YAE1: variants seen among roughly 807,000 people sequenced by gnomAD.
YAE1 encodes the protein YAE1 maturation factor of ABCE1.
In YAE1, 22 loss-of-function variants were observed where a neutral mutation model predicts 23.0. That is an observed-to-expected ratio of 0.96 (90% confidence interval 0.68 to 1.37). The LOEUF is 1.37. Among genes scored for constraint, YAE1 ranks in the 40% most tolerant of loss-of-function variants. YAE1 has a pLI of 0.00. For synonymous variants in YAE1, 101 were observed against 97.0 expected (o/e 1.04, Z -0.24); for missense variants, 260 against 262.1 (o/e 0.99, Z 0.06).
At chr7:39,570,948 C>T (rs970588408) in intron 2 of YAE1, 18 of 215,154 alleles carry the variant, frequency 8.4e-5, no homozygotes, top group Non-Finnish European at 9.0e-5. Context: ...CACAGTATGA[C>T]AGACCTCTAG....
chr7:39,569,869 A>C, intron 1 of YAE1: 1 of 1,025,070 alleles, frequency 9.8e-7, no homozygotes, highest in South Asian at 1.3e-5. Context: ...GGATGCCTAA[A>C]TTCACCATCT....
chr7:39,580,426 C>T (rs935315657), intron 2 of YAE1, among the ~76,000 whole-genome samples: 2 of 152,242 alleles, frequency 1.3e-5, no homozygotes, highest in African/African-American at 4.8e-5. Context: ...ATAGTCTGCT[C>T]TTTCCAAAAA....
intron 2 of YAE1, among the ~76,000 whole-genome samples, chr7:39,582,873 T>C (rs1562592275): frequency 1.3e-5 from 2 of 152,222 alleles, no homozygotes; most frequent in Non-Finnish European, 2.9e-5. Flanking sequence ...ATAGAAAGAA[T>C]GAATGGAGAA....
exon 3 of YAE1, chr7:39,610,075 G>A: frequency 2.1e-6 from 3 of 1,421,450 alleles, no homozygotes; most frequent in Non-Finnish European, 1.8e-6. Flanking sequence ...GGTTTCTCCT[G>A]GGTGAAGATG....
chr7:39,582,187 G>T (rs982998263), intron 2 of YAE1, among the ~76,000 whole-genome samples: 1 of 151,934 alleles, frequency 6.6e-6, no homozygotes, highest in African/African-American at 2.4e-5. Context: ...GGCTAATTTT[G>T]TTGTTGTCAT....
chr7:39,603,194 G>A (rs570385548), intron 2 of YAE1, among the ~76,000 whole-genome samples: 1 of 152,234 alleles, frequency 6.6e-6, no homozygotes, highest in African/African-American at 2.4e-5. Flanking sequence ...CTGTCACCCA[G>A]GCTGGAGTGC....
chr7:39,610,865 A>C (rs1482529835), downstream of YAE1, among the ~76,000 whole-genome samples: 1 of 152,194 alleles, frequency 6.6e-6, no homozygotes, highest in African/African-American at 2.4e-5. Context: ...ATTAGGATGC[A>C]GGCTGGGTAT....
At chr7:39,601,334 G>A (rs565421070) in intron 2 of YAE1, among the ~76,000 whole-genome samples, 1 of 152,270 alleles carries the variant, frequency 6.6e-6, no homozygotes, top group African/African-American at 2.4e-5. Context: ...TCAAAATTCT[G>A]TAACCACCTT....
chr7:39,587,773 T>C (rs1433642788), intron 2 of YAE1, among the ~76,000 whole-genome samples: 3 of 144,582 alleles, frequency 2.1e-5, no homozygotes, highest in Non-Finnish European at 3.0e-5. Flanking sequence ...TTAAAAATCA[T>C]GTGTGTAGGT....
At chr7:39,581,928 A>C (rs1448282396) in intron 2 of YAE1, among the ~76,000 whole-genome samples, 1 of 150,646 alleles carries the variant, frequency 6.6e-6, no homozygotes, top group African/African-American at 2.5e-5. Flanking sequence ...AAAAAGTAAA[A>C]GTTAATTTTT....
chr7:39,572,839 A>G lies in YAE1; in HGVS notation c.*133A>G, dbSNP rs1328562844. Reference sequence around the variant, plus strand: ...TTTATGGAAGTTTGAAATTAACACTATTGTCTTCAAAATTAACACTATTAA... The same window carrying G: ...TTTATGGAAGTTTGAAATTAACACTGTTGTCTTCAAAATTAACACTATTAA... On this transcript the variant is annotated 3_prime_UTR_variant, in exon 3 of 3. Transcript: ENST00000223273. 8.0e-6 allele frequency: 11 copies of G among 1,380,934 alleles called. No homozygotes were observed. The highest frequency in any genetic ancestry group is 1.0e-5 in the Non-Finnish European group (11 of 1,070,442). The allele number at this position is 1,380,934 out of a possible 1,614,324, so 85.5% of individuals were successfully genotyped here.
intron 2 of YAE1, among the ~76,000 whole-genome samples, chr7:39,571,736 C>A (rs976427002): frequency 2.4e-4 from 36 of 152,030 alleles, no homozygotes; most frequent in Non-Finnish European, 2.9e-5. Context: ...TTACCTTTTT[C>A]AAGGAAATTG....
At position 39,570,605 on chromosome 7, in the gene YAE1, G is replaced by A. The variant is rs773138356; in HGVS notation, c.229G>A (p.Gly77Arg). The A allele has an allele frequency of 1.6e-5, 25 of 1,601,412 alleles. No individual in the cohort carries two copies. The East Asian group carries it at 5.6e-4, about 36-fold the overall frequency. The change falls in exon 2 of 3, where the codon GGA becomes AGA. Residue 77 changes from glycine (G) to arginine (R), a missense_variant. Physicochemically the swap from Gly to Arg is moderately radical, Grantham distance 125 (BLOSUM62 -2). Coordinates refer to ENST00000223273, the MANE Select transcript of YAE1 (RefSeq NM_020192.5). ...KKGAEVILNYGRLRGTLSALL... is the reference protein window; with the variant it reads ...KKGAEVILNYRRLRGTLSALL... ...AGGTGCAGAAGTCATTTTAAACTATGGACGACTCCGAGGAACATTGAGGTA... is the reference window on the plus strand; with the variant it reads ...AGGTGCAGAAGTCATTTTAAACTATAGACGACTCCGAGGAACATTGAGGTA...
At chr7:39,611,794 A>T (rs1791223366), downstream of YAE1, among the ~76,000 whole-genome samples, 1 of 152,312 alleles carries the variant, frequency 6.6e-6, no homozygotes, top group East Asian at 1.9e-4. Flanking sequence ...GGAAAGTCCT[A>T]TTCATATTAT....
At chr7:39,596,475 C>T (rs1278767539) in intron 2 of YAE1, among the ~76,000 whole-genome samples, 3 of 152,092 alleles carry the variant, frequency 2.0e-5, no homozygotes, top group East Asian at 3.9e-4. Context: ...TAACCTCAGC[C>T]TCAGCCTCGC....
chr7:39,599,505 G>A (rs1791024820), intron 2 of YAE1, among the ~76,000 whole-genome samples: 1 of 151,684 alleles, frequency 6.6e-6, no homozygotes, highest in South Asian at 2.1e-4. Context: ...CCTCTTGAGA[G>A]CTGGGACTAT....
intron 1 of YAE1, chr7:39,570,252 T>A (rs1224303018): frequency 1.6e-6 from 1 of 637,914 alleles, no homozygotes; most frequent in African/African-American, 1.8e-5. Context: ...CTAGGTTTTT[T>A]AAAAACTGTG....
At chr7:39,574,723 A>G (rs1336912818), downstream of YAE1, among the ~76,000 whole-genome samples, 1 of 128,082 alleles carries the variant, frequency 7.8e-6, no homozygotes, top group Non-Finnish European at 1.6e-5. Flanking sequence ...ACAGAGCAAG[A>G]CTCTGTCTCC....
chr7:39,574,829 C>T (rs1043780216), downstream of YAE1, among the ~76,000 whole-genome samples: 4 of 151,728 alleles, frequency 2.6e-5, no homozygotes, highest in Admixed American at 1.3e-4. Context: ...CACTTGAGTG[C>T]AGAAGGTTGA....
Sources: allele counts gnomAD v4.1 joint callset (sites outside exome capture counted in the v4.1 genomes callset), GRCh38; gene constraint gnomAD v4.1.1; transcripts MANE v1.5; gene names NCBI Gene and HGNC (gene_info 2026-07-23, HGNC 2026-07-21).